Variants in HS3ST4 observed in about 807,000 individuals in gnomAD.
HS3ST4 encodes heparan sulfate glucosamine 3-O-sulfotransferase 4.
In HS3ST4, 17 loss-of-function variants were observed where a neutral mutation model predicts 29.2. The observed-to-expected ratio is 0.58, with a 90% CI of 0.40 to 0.87. The LOEUF is 0.87. Among genes scored for constraint, HS3ST4 ranks in the 40% least tolerant of loss-of-function variants. The pLI, the probability that HS3ST4 is intolerant of heterozygous loss-of-function variation, is 0.00. For missense variants in HS3ST4, 627 were observed against 634.5 expected (o/e 0.99, Z 0.13); for synonymous variants, 314 against 285.7 (o/e 1.10, Z -1.00).
At chr16:25,974,612 A>G (rs1968926671) in intron 1 of HS3ST4, among the ~76,000 whole-genome samples, 1 of 152,170 alleles carries the variant, frequency 6.6e-6, no homozygotes, top group Non-Finnish European at 1.5e-5. Context: ...TTTGAACACA[A>G]TATTCCAGAA....
chr16:26,002,593 C>G (rs115664460), intron 1 of HS3ST4, among the ~76,000 whole-genome samples: 4 of 147,242 alleles, frequency 2.7e-5, no homozygotes, highest in African/African-American at 1.0e-4. Context: ...GGTGGCGGAG[C>G]GAGACACTGC....
chr16:25,817,972 C>G (rs1967111664), intron 1 of HS3ST4, among the ~76,000 whole-genome samples: 1 of 152,164 alleles, frequency 6.6e-6, no homozygotes, highest in Non-Finnish European at 1.5e-5. Context: ...TAAGCACATG[C>G]CTGAAACTTG....
chr16:26,049,443 A>G (rs1462763411), intron 1 of HS3ST4, among the ~76,000 whole-genome samples: 2 of 149,560 alleles, frequency 1.3e-5, no homozygotes, highest in Admixed American at 1.3e-4. Context: ...GTGCATTTGT[A>G]CTAGTTGCAG....
intron 1 of HS3ST4, among the ~76,000 whole-genome samples, chr16:25,828,224 T>TCCTTTCTTTCTTTCTTTC: frequency 1.3e-5 from 1 of 79,402 alleles, no homozygotes; most frequent in East Asian, 3.2e-4. Context: ...TTTCTTTCCT[T>TCCTTTCTTTCTTTCTTTC]TCTTTCTTTC....
chr16:25,752,218 T>C (rs1481425542), intron 1 of HS3ST4, among the ~76,000 whole-genome samples: 1 of 152,188 alleles, frequency 6.6e-6, no homozygotes, highest in Non-Finnish European at 1.5e-5. Context: ...AGTCAAGGTG[T>C]TGGGCTCTTT....
intron 1 of HS3ST4, among the ~76,000 whole-genome samples, chr16:25,730,351 TCCTC>T (rs1170647300): frequency 2.0e-5 from 3 of 149,070 alleles, no homozygotes; most frequent in Non-Finnish European, 4.5e-5. Context: ...TCCTTCCTTC[TCCTC>T]CCTCCCTCCC....
chr16:26,095,686 C>G (rs1898917463), intron 1 of HS3ST4, among the ~76,000 whole-genome samples: 2 of 152,154 alleles, frequency 1.3e-5, no homozygotes, highest in South Asian at 4.1e-4. Flanking sequence ...AATTGACACT[C>G]TAACATCACA....
At chr16:25,842,886 A>C (rs928042603) in intron 1 of HS3ST4, among the ~76,000 whole-genome samples, 8 of 152,204 alleles carry the variant, frequency 5.3e-5, no homozygotes, top group Non-Finnish European at 7.3e-5. Flanking sequence ...CACCTATAAA[A>C]TGAGGGCAAT....
At chr16:25,790,198 G>T (rs1966865737) in intron 1 of HS3ST4, among the ~76,000 whole-genome samples, 5 of 151,698 alleles carry the variant, frequency 3.3e-5, no homozygotes, top group Admixed American at 3.3e-4. Context: ...ATCACCTGAA[G>T]TCAGGAGTTC....
intron 1 of HS3ST4, among the ~76,000 whole-genome samples, chr16:25,923,922 A>T (rs1405273620): frequency 6.6e-6 from 1 of 152,162 alleles, no homozygotes; most frequent in Non-Finnish European, 1.5e-5. Flanking sequence ...CCTTTGGAGC[A>T]TCTCATGCTT....
chr16:25,756,154 G>GCA lies in HS3ST4; in HGVS notation c.734+63025_734+63026dup, dbSNP rs71997199. Among the ~76,000 whole-genome samples the GCA allele has an allele frequency of 1.8e-3, 245 of 132,672 alleles. 1 individual carries two copies. Among genetic ancestry groups the GCA allele is most frequent in the African/African-American group, 3.9e-3 (135 of 34,426 alleles). 87.0% of individuals were successfully genotyped at this position (132,672 alleles called of 152,430 possible). A position where few individuals can be genotyped will look rare whatever the true frequency, so the allele number is the denominator to read the frequency against. On this transcript the variant is annotated intron_variant, in intron 1 of 1. Transcript: ENST00000331351. ...CACACACACACACACACACACACAC[G>GCA]CACACACACACACACACACACACCC...
intron 1 of HS3ST4, among the ~76,000 whole-genome samples, chr16:26,124,518 A>G (rs571256820): frequency 6.6e-6 from 1 of 152,246 alleles, no homozygotes; most frequent in East Asian, 1.9e-4. Flanking sequence ...GAAGGAAAAC[A>G]TACGTAGTAC....
At chr16:25,921,520 G>C (rs552558107) in intron 1 of HS3ST4, among the ~76,000 whole-genome samples, 1 of 152,182 alleles carries the variant, frequency 6.6e-6, no homozygotes, top group East Asian at 1.9e-4. Context: ...GGGGAGAATG[G>C]TGAGGAAATG....
intron 1 of HS3ST4, among the ~76,000 whole-genome samples, chr16:25,732,325 G>T (rs1966575485): frequency 6.6e-6 from 1 of 152,122 alleles, no homozygotes; most frequent in African/African-American, 2.4e-5. Context: ...TTTTTACATT[G>T]TAGGAATTAC....
In HS3ST4 at chr16:25,921,720, G is replaced by A. The variant is rs928413416; in HGVS notation, c.735-213892G>A. The stretch of plus-strand genomic sequence containing the variant: ...TTAGCCTTTGCTCTCACTACCCTGG[G>A]TACCATTGATTAATTTCTCTCTTCT... On this transcript the variant is annotated intron_variant, in intron 1 of 1. Coordinates refer to ENST00000331351, the MANE Select transcript of HS3ST4 (RefSeq NM_006040.3). 2.0e-5 allele frequency among the ~76,000 whole-genome samples: 3 copies of A among 151,400 alleles called. No homozygotes were observed. In the South Asian group the frequency reaches 6.3e-4, roughly 32 times the overall value.
intron 1 of HS3ST4, among the ~76,000 whole-genome samples, chr16:26,060,404 G>T (rs1024746935): frequency 6.6e-6 from 1 of 152,172 alleles, no homozygotes; most frequent in African/African-American, 2.4e-5. Context: ...TTACTCCCTT[G>T]CTCCAGGGAC....
chr16:25,983,525 A>G (rs1197427211), intron 1 of HS3ST4, among the ~76,000 whole-genome samples: 1 of 152,060 alleles, frequency 6.6e-6, no homozygotes, highest in Non-Finnish European at 1.5e-5. Flanking sequence ...TTGGGTAGTC[A>G]TTCTCTCCTG....
intron 1 of HS3ST4, among the ~76,000 whole-genome samples, chr16:25,889,396 G>T (rs1277571468): frequency 6.6e-6 from 1 of 152,196 alleles, no homozygotes; most frequent in Non-Finnish European, 1.5e-5. Flanking sequence ...TGCTAGAGAA[G>T]ATTGAAATTT....
chr16:25,891,296 G>A (rs1349192662), intron 1 of HS3ST4, among the ~76,000 whole-genome samples: 3 of 152,188 alleles, frequency 2.0e-5, no homozygotes, highest in Non-Finnish European at 2.9e-5. Context: ...AAACCAGTAC[G>A]AAACCTAGTG....
Sources: gnomAD v4.1 joint callset for allele counts (sites outside exome capture counted in the v4.1 genomes callset) on GRCh38, gnomAD v4.1.1 for gene constraint, MANE v1.5 for transcripts, NCBI Gene and HGNC (gene_info 2026-07-23, HGNC 2026-07-21) for gene names.